The following JAKMIP3 variants were observed in gnomAD, a reference collection of about 807,000 sequenced individuals.
JAKMIP3 encodes janus kinase and microtubule-interacting protein 3.
In JAKMIP3, 58 loss-of-function variants were observed where a neutral mutation model predicts 118.5. The observed-to-expected ratio is 0.49, with a 90% CI of 0.40 to 0.61. The LOEUF (loss-of-function observed/expected upper bound fraction) is 0.61. JAKMIP3 is among the 20% of genes least tolerant of loss of function. The pLI, the probability that JAKMIP3 is intolerant of heterozygous loss-of-function variation, is 0.00. For synonymous variants in JAKMIP3, 486 were observed against 451.2 expected, an observed-to-expected ratio of 1.08 and a Z score of -0.98; for missense variants, 950 against 1,109.0, an observed-to-expected ratio of 0.86 and a Z score of 2.04.
chr10:132,172,699 G>T (rs2059617662), intron 23 of JAKMIP3, among the ~76,000 whole-genome samples: 1 of 151,876 alleles, frequency 6.6e-6, no homozygotes, highest in South Asian at 2.1e-4. Context: ...GCTCCTCCAG[G>T]CCGGCGCCCT....
At chr10:132,036,816 G>T (rs954622950) in intron 1 of JAKMIP3, among the ~76,000 whole-genome samples, 1 of 151,724 alleles carries the variant, frequency 6.6e-6, no homozygotes, top group African/African-American at 2.4e-5. Context: ...TCCGGGACGC[G>T]GGCGCCCTGG....
chr10:132,133,576 T>G, intron 4 of JAKMIP3, 49 bp downstream of exon 4: 1 of 1,501,674 alleles, frequency 6.7e-7, no homozygotes, highest in Non-Finnish European at 9.0e-7. Flanking sequence ...CAGACAGACC[T>G]GGCCATGTGG....
At chr10:132,072,468 A>C (rs1161106382) in intron 1 of JAKMIP3, among the ~76,000 whole-genome samples, 2 of 152,068 alleles carry the variant, frequency 1.3e-5, no homozygotes. Context: ...CCAGGAGTTC[A>C]AGGCTGCAGT....
chr10:132,155,699 G>T (rs558286259), intron 19 of JAKMIP3, among the ~76,000 whole-genome samples: 1 of 152,316 alleles, frequency 6.6e-6, no homozygotes, highest in African/African-American at 2.4e-5. Context: ...GCTGGCCCTG[G>T]CTAAACTGGT....
intron 1 of JAKMIP3, among the ~76,000 whole-genome samples, chr10:132,102,983 G>A (rs1346089778): frequency 3.3e-5 from 5 of 151,354 alleles, no homozygotes; most frequent in South Asian, 4.2e-4. Context: ...AGTGTTCACC[G>A]GGAGAGGAGA....
At chr10:132,098,794 C>G (rs1025441711) in intron 1 of JAKMIP3, among the ~76,000 whole-genome samples, 1 of 152,188 alleles carries the variant, frequency 6.6e-6, no homozygotes, top group African/African-American at 2.4e-5. Flanking sequence ...CCACAGCGCT[C>G]CTCTCTCAGA....
intron 13 of JAKMIP3, among the ~76,000 whole-genome samples, chr10:132,147,430 A>T (rs573798780): frequency 6.6e-6 from 1 of 152,286 alleles, no homozygotes; most frequent in African/African-American, 2.4e-5. Context: ...GTTCCGTTTA[A>T]ACAGCTCCTT....
chr10:132,136,895 G>T, intron 6 of JAKMIP3, 124 bp from the exon 7 acceptor site: 2 of 1,066,584 alleles, frequency 1.9e-6, no homozygotes. Context: ...CTGAGCAGAG[G>T]CCGCCAGCCG....
chr10:132,065,349 C>T (rs149374735), upstream of JAKMIP3, among the ~76,000 whole-genome samples: 36 of 152,214 alleles, frequency 2.4e-4, no homozygotes, highest in African/African-American at 7.7e-4. The surrounding 1 kb of genome is among the most constrained non-coding windows in gnomAD (Gnocchi z 5.6). Flanking sequence ...GTCTGGTTCC[C>T]GTCTGCATTT....
intron 1 of JAKMIP3, among the ~76,000 whole-genome samples, chr10:132,089,436 T>G (rs2042844242): frequency 6.6e-6 from 1 of 152,240 alleles, no homozygotes; most frequent in South Asian, 2.1e-4. Flanking sequence ...CCCTTGTAAG[T>G]TGGATTCCTA....
intron 1 of JAKMIP3, among the ~76,000 whole-genome samples, chr10:132,066,516 C>G (rs4880316): frequency 0.76 from 115,919 of 152,172 alleles, 44,881 homozygotes; most frequent in East Asian, 1. Context: ...CTTCCTGGCT[C>G]CGTGGGGTAA....
upstream of JAKMIP3, among the ~76,000 whole-genome samples, chr10:132,064,926 A>G (rs1412723869): frequency 1.3e-5 from 2 of 151,980 alleles, no homozygotes; most frequent in Admixed American, 6.6e-5. This position sits in a 1 kb window ranked among gnomAD's most constrained non-coding sequence, Gnocchi z 4.4. Context: ...TGACTAGAAG[A>G]GGCAGGTTGT....
At chr10:132,071,160 AGTGT>A (rs3068079) in intron 1 of JAKMIP3, among the ~76,000 whole-genome samples, 2,667 of 149,134 alleles carry the variant, frequency 0.018, 41 homozygotes, top group African/African-American at 0.034. Context: ...GTCATTTAAA[AGTGT>A]GTGTGTGTGT....
In JAKMIP3 at chr10:132,180,551, GTGCA is replaced by G. The variant is rs1221849657; in HGVS notation, c.*1104-1802_*1104-1799del. Among the ~76,000 whole-genome samples the G allele has an allele frequency of 3.2e-4, 3 of 9,400 alleles. 1 individual carries two copies. Among genetic ancestry groups the G allele is most frequent in the South Asian group, 5.1e-3 (2 of 394 alleles). The allele number at this position is 9,400 out of a possible 152,430, so 6.2% of individuals were successfully genotyped here. ...TGTGTGTGTGTGTGTGTGTGCGTGC[GTGCA>G]TGCGTGTGTGTGCGTGTGTGTGTGC... On this transcript the variant is annotated intron_variant, in intron 23 of 23. Transcript: ENST00000684848.
At chr10:132,056,145 T>G (rs1295195715) in intron 1 of JAKMIP3, among the ~76,000 whole-genome samples, 1 of 152,188 alleles carries the variant, frequency 6.6e-6, no homozygotes, top group Non-Finnish European at 1.5e-5. Context: ...TGGATGAGTC[T>G]GGCCTCGTTC....
At position 132,182,619 on chromosome 10, in the gene JAKMIP3, G is replaced by C. The variant is rs2061592964; in HGVS notation, c.*1366G>C. Reference sequence around the variant, plus strand: ...CACGCAACCAGAAGAGCCATTCGTGGGATTTAGCCATTTCGAGGCACCTAG... The same window carrying C: ...CACGCAACCAGAAGAGCCATTCGTGCGATTTAGCCATTTCGAGGCACCTAG... On this transcript the variant is annotated 3_prime_UTR_variant, in exon 24 of 24. Coordinates refer to ENST00000684848, the MANE Select transcript of JAKMIP3 (RefSeq NM_001323087.2). The C allele has an allele frequency of 6.6e-6, 1 of 152,198 alleles. No individual in the cohort carries two copies. The highest frequency in any genetic ancestry group is 2.1e-4 in the South Asian group (1 of 4,828). 9.4% of individuals were successfully genotyped at this position (152,198 alleles called of 1,614,324 possible). A position where few individuals can be genotyped will look rare whatever the true frequency, so the allele number is the denominator to read the frequency against.
In JAKMIP3 at chr10:132,176,998, C is replaced by T. The variant is rs146495363; in HGVS notation, c.*1104-5359C>T. Among the ~76,000 whole-genome samples the T allele has an allele frequency of 2.8e-4, 42 of 152,192 alleles. No homozygotes were observed. In the East Asian group the frequency reaches 6.6e-3, roughly 24 times the overall value. On this transcript the variant is annotated intron_variant, in intron 23 of 23. Transcript: ENST00000684848. ...AGAATCTTTCTGTTTTTACCAAGGGCGAAGGTGTTTCTCAAATGTTACTGG... is the reference window on the plus strand; with the variant it reads ...AGAATCTTTCTGTTTTTACCAAGGGTGAAGGTGTTTCTCAAATGTTACTGG...
rs117816260 is a variant in JAKMIP3 at position 132,151,648 on chromosome 10, G to T, written c.2008-1310G>T. 9.5e-4 allele frequency among the ~76,000 whole-genome samples: 145 copies of T among 152,336 alleles called. 1 individual carries two copies. In the East Asian group the frequency reaches 0.026, roughly 28 times the overall value. ...GAGAAGCTGAGTCCCCAAAGGCACT[G>T]CCCAGGGTCACAGAGCTGATGTAGT... On this transcript the variant is annotated intron_variant, in intron 16 of 23. Transcript: ENST00000684848.
chr10:132,148,336 G>A (rs560803793), intron 14 of JAKMIP3, among the ~76,000 whole-genome samples: 2 of 152,264 alleles, frequency 1.3e-5, no homozygotes, highest in East Asian at 3.9e-4. Context: ...AAATATGGGG[G>A]AAATGGCCCG....
Sources: allele counts gnomAD v4.1 joint callset (sites outside exome capture counted in the v4.1 genomes callset), GRCh38; gene constraint gnomAD v4.1.1; non-coding constraint Gnocchi (gnomAD v3.1); transcripts MANE v1.5; gene names NCBI Gene and HGNC (gene_info 2026-07-23, HGNC 2026-07-21).